Variants in REEP5 observed in about 807,000 individuals in gnomAD.
REEP5 encodes receptor accessory protein 5.
REEP5 carries 24 observed loss-of-function variants against 22.4 expected under a neutral mutation model. That is an observed-to-expected ratio of 1.07 (90% CI 0.78 to 1.51). The LOEUF is 1.51. REEP5 is among the 40% of genes most tolerant of loss of function. The probability of loss-of-function intolerance (pLI) is 0.00; values close to 1 mark genes in which losing one functional copy is unlikely to be tolerated. For missense variants in REEP5, 252 were observed against 233.0 expected, an observed-to-expected ratio of 1.08 and a Z score of -0.53; for synonymous variants, 103 against 88.6, an observed-to-expected ratio of 1.16 and a Z score of -0.92.
chr5:112,892,025 A>G, intron 3 of REEP5: 1 of 1,370,234 alleles, frequency 7.3e-7, no homozygotes, highest in South Asian at 1.2e-5. Context: ...GAGGAGGAGC[A>G]GAAACAACAG....
intron 3 of REEP5, among the ~76,000 whole-genome samples, chr5:112,889,635 CAG>C (rs1768370659): frequency 6.7e-6 from 1 of 149,750 alleles, no homozygotes; most frequent in African/African-American, 2.5e-5. Flanking sequence ...AAATGTAAGT[CAG>C]AATTATATAG....
intron 2 of REEP5, among the ~76,000 whole-genome samples, chr5:112,919,993 C>A (rs935238245): frequency 6.6e-6 from 1 of 152,062 alleles, no homozygotes; most frequent in Non-Finnish European, 1.5e-5. Context: ...TAACACCGAC[C>A]GCCTGAATAT....
chr5:112,901,560 A>G (rs1051645304), intron 3 of REEP5, among the ~76,000 whole-genome samples: 1 of 152,072 alleles, frequency 6.6e-6, no homozygotes, highest in African/African-American at 2.4e-5. Flanking sequence ...AAAAATACAA[A>G]AATTGACCAG....
chr5:112,907,960 T>A (rs987775098), intron 2 of REEP5, among the ~76,000 whole-genome samples: 1 of 152,156 alleles, frequency 6.6e-6, no homozygotes, highest in Admixed American at 6.5e-5. Context: ...CATTTCAAAT[T>A]GTATAAAGTT....
At chr5:112,893,597 G>C (rs570747452) in intron 3 of REEP5, 3 of 152,720 alleles carry the variant, frequency 2.0e-5, no homozygotes, top group African/African-American at 4.8e-5. Flanking sequence ...TGGAAAACAG[G>C]ATCTTCAGAC....
intron 3 of REEP5, chr5:112,892,958 G>T: frequency 1.9e-6 from 3 of 1,594,222 alleles, no homozygotes; most frequent in Middle Eastern, 1.7e-4. Context: ...GACCAGGGCC[G>T]CCGGAGCCAG....
At chr5:112,892,645 G>A (rs367546257) in intron 3 of REEP5, 2 of 1,614,130 alleles carry the variant, frequency 1.2e-6, no homozygotes, top group East Asian at 2.2e-5. Flanking sequence ...CTTTCTTCAT[G>A]TGTTCAGAAA....
chr5:112,893,260 A>C, intron 3 of REEP5: 3 of 279,836 alleles, frequency 1.1e-5, no homozygotes, highest in Non-Finnish European at 2.1e-5. Flanking sequence ...AAATACAAAA[A>C]TTAGCCAGGT....
intron 3 of REEP5, among the ~76,000 whole-genome samples, chr5:112,890,128 C>CA (rs1768389923): frequency 6.7e-6 from 1 of 149,790 alleles, no homozygotes; most frequent in East Asian, 2.1e-4. Context: ...CACCCGGCCA[C>CA]AAAAAATAAA....
chr5:112,892,693 T>C (rs773573498), intron 3 of REEP5: 28 of 1,614,040 alleles, frequency 1.7e-5, no homozygotes, highest in Non-Finnish European at 2.2e-5. Flanking sequence ...TAGAGACATC[T>C]ACTTGTCTTC....
chr5:112,895,142 G>C (rs546144707), intron 3 of REEP5: 1 of 149,438 alleles, frequency 6.7e-6, no homozygotes, highest in South Asian at 2.1e-4. Context: ...AGGAGGCTGA[G>C]GCAGGAGAAT....
intron 2 of REEP5, among the ~76,000 whole-genome samples, chr5:112,915,883 A>C (rs201957244): frequency 0.01 from 1,500 of 148,908 alleles, 17 homozygotes; most frequent in Non-Finnish European, 0.013. Context: ...TACAATTTAA[A>C]AAAAAAAAAA....
chr5:112,880,867 G>A (rs1300425106), intron 4 of REEP5, among the ~76,000 whole-genome samples: 2 of 152,134 alleles, frequency 1.3e-5, no homozygotes, highest in African/African-American at 4.8e-5. Context: ...GGTGGCTCAT[G>A]CCTGTAATCC....
chr5:112,892,140 C>T lies in REEP5; in HGVS notation c.352-4957G>A, dbSNP rs573726695. ...AAAACCCAGAACCACCCGTGGATTT[C>T]AGAGTAATGGAGAAGGATCGAGCTA... is the stretch of plus-strand genomic sequence containing the variant. On this transcript the variant is annotated intron_variant, in intron 3 of 4. Coordinates refer to ENST00000379638, the MANE Select transcript of REEP5 (RefSeq NM_005669.5). 16 of 1,614,160 alleles carry T rather than the reference C, an allele frequency of 9.9e-6. No homozygotes were observed. In the Admixed American group the frequency reaches 1.2e-4, roughly 12 times the overall value.
rs2150032101 is a variant in REEP5, at chr5:112,878,140, C to CATT, written c.*643_*645dup. 6.6e-6 allele frequency: 1 copy of CATT among 152,640 alleles called. No homozygotes were observed. Among genetic ancestry groups the CATT allele is most frequent in the East Asian group, 1.9e-4 (1 of 5,188 alleles). The allele number at this position is 152,640 out of a possible 1,614,324, so 9.5% of individuals were successfully genotyped here. On this transcript the variant is annotated 3_prime_UTR_variant, in exon 5 of 5. Coordinates refer to ENST00000379638, the MANE Select transcript of REEP5 (RefSeq NM_005669.5). ...AACCAGGCCAATCTCCATTCGATTT[C>CATT]ATTTCTCACTTTGTTCACTTGCATA... is the stretch of plus-strand genomic sequence containing the variant.
intron 2 of REEP5, among the ~76,000 whole-genome samples, chr5:112,912,479 T>C (rs1769126215): frequency 6.6e-6 from 1 of 152,182 alleles, no homozygotes; most frequent in Non-Finnish European, 1.5e-5. Context: ...TTTAATTTTA[T>C]CCATATATAT....
intron 3 of REEP5, chr5:112,894,697 T>G (rs1298375232): frequency 2.0e-5 from 3 of 152,238 alleles, no homozygotes; most frequent in Admixed American, 2.0e-4. Context: ...CATCCTAACA[T>G]GATATTTGTT....
intron 2 of REEP5, among the ~76,000 whole-genome samples, chr5:112,904,933 T>C (rs926055273): frequency 2.6e-5 from 4 of 152,064 alleles, no homozygotes; most frequent in Non-Finnish European, 4.4e-5. Context: ...ATAAAAGAAC[T>C]CCAAATTGAA....
chr5:112,909,567 A>T (rs1299760063), intron 2 of REEP5, among the ~76,000 whole-genome samples: 1 of 152,152 alleles, frequency 6.6e-6, no homozygotes, highest in African/African-American at 2.4e-5. Context: ...TCATGTTTGC[A>T]GGTAGTGGGA....
Sources: gnomAD v4.1 joint callset for allele counts (sites outside exome capture counted in the v4.1 genomes callset) on GRCh38, gnomAD v4.1.1 for gene constraint, MANE v1.5 for transcripts, NCBI Gene and HGNC (gene_info 2026-07-23, HGNC 2026-07-21) for gene names.